Variants in CEP290 observed in about 807,000 individuals in gnomAD.
The protein encoded by CEP290 is centrosomal protein 290.
In CEP290, 317 loss-of-function variants were observed where a neutral mutation model predicts 344.9. That is an observed-to-expected ratio of 0.92 (90% CI 0.84 to 1.01). CEP290 has a LOEUF of 1.01. CEP290 is among the 50% of genes least tolerant of loss of function. The pLI, the probability that CEP290 is intolerant of heterozygous loss-of-function variation, is 0.00. For synonymous variants in CEP290, 932 were observed against 895.8 expected (o/e 1.04, Z -0.72); for missense variants, 2,754 against 2,761.4 (o/e 1.00, Z 0.06).
chr12:88,114,947 T>C (rs908893710), intron 19 of CEP290, 151 bp downstream of exon 19: 2 of 486,916 alleles, frequency 4.1e-6, no homozygotes, highest in Admixed American at 4.1e-5. Flanking sequence ...GCAAATCAAC[T>C]GGATAGTGAC....
At chr12:88,137,913 A>G (rs1386639141) in intron 5 of CEP290, among the ~76,000 whole-genome samples, 3 of 152,044 alleles carry the variant, frequency 2.0e-5, no homozygotes, top group Non-Finnish European at 4.4e-5. Flanking sequence ...ATCTTTACCT[A>G]CTCATGGTAG....
intron 50 of CEP290, 86 bp from the exon 51 acceptor site, chr12:88,054,499 A>G: frequency 9.6e-7 from 1 of 1,044,728 alleles, no homozygotes; most frequent in Non-Finnish European, 1.4e-6. Context: ...ACAAAGCGTA[A>G]TATTAAAATA....
rs1481875615 is a variant in CEP290, at chr12:88,068,606, ATCT to A, written c.6048_6050del (p.Glu2016del). ...GGAGGTATCTATTTTGTAAATGTAA[ATCT>A]TCTACAACAGAATCTCGAGGAAGAG... is the stretch of plus-strand genomic sequence containing the variant. On this transcript the variant is annotated inframe_deletion, in exon 44 of 54. Transcript: ENST00000552810. 11 of 1,594,558 alleles carry A rather than the reference ATCT, an allele frequency of 6.9e-6. No homozygotes were observed. The highest frequency in any genetic ancestry group is 5.3e-5 in the Admixed American group (3 of 56,146).
At chr12:88,100,115 A>G (rs1592563570) in intron 26 of CEP290, among the ~76,000 whole-genome samples, 1 of 152,020 alleles carries the variant, frequency 6.6e-6, no homozygotes, top group Admixed American at 6.6e-5. Flanking sequence ...CCCTGTCTCT[A>G]CTAAATTAGC....
Position 88,092,687 on chromosome 12 carries a change from A to C in CEP290, c.3455T>G (p.Val1152Gly). The part of the protein sequence containing the change: ...EKNEMELKVE[V>G]SKLREISDIA... Reference sequence around the variant, plus strand: ...AATGCTTATATGCACTTACTTTGACACTTCAACTTTTAGTTCCATTTCATT... The same window carrying C: ...AATGCTTATATGCACTTACTTTGACCCTTCAACTTTTAGTTCCATTTCATT... The change falls in exon 29 of 54, where the codon GTG becomes GGG. Residue 1152 changes from valine to glycine, a missense_variant. Coordinates refer to ENST00000552810, the MANE Select transcript of CEP290 (RefSeq NM_025114.4). 1 of 1,608,516 alleles carries C rather than the reference A, an allele frequency of 6.2e-7. No homozygotes were observed.
chr12:88,124,500 G>A (rs1447579555), intron 13 of CEP290, among the ~76,000 whole-genome samples: 1 of 151,508 alleles, frequency 6.6e-6, no homozygotes, highest in Non-Finnish European at 1.5e-5. Flanking sequence ...ATATGTGCAC[G>A]GAATCACTAT....
At position 88,068,544 on chromosome 12, in the gene CEP290, T is replaced by G; in HGVS notation, c.6113A>C (p.Lys2038Thr). 1 of 1,569,290 alleles carries G rather than the reference T, an allele frequency of 6.4e-7. No homozygotes were observed. Residue 2038 changes from lysine (K) to threonine (T), a missense_variant, in exon 44 of 54, where the codon AAG becomes ACG. Lys to Thr is a moderately conservative substitution (Grantham distance 78). Coordinates refer to ENST00000552810, the MANE Select transcript of CEP290 (RefSeq NM_025114.4). ...TACTGAAGGCTTAGAATATGTATCC[T>G]TTGAAAACTGTTTTTCTAAAGCATG... ...KLHALEKQFS[K>T]DTYSKPSISG... is the part of the protein sequence containing the mutation.
chr12:88,066,282 T>A (rs1330682627), intron 44 of CEP290, among the ~76,000 whole-genome samples: 2 of 152,106 alleles, frequency 1.3e-5, no homozygotes, highest in Non-Finnish European at 2.9e-5. Flanking sequence ...GTTAGACTGA[T>A]ATTCTGCAAA....
chr12:88,101,408 G>C (rs1471746130), intron 26 of CEP290, among the ~76,000 whole-genome samples: 3 of 150,704 alleles, frequency 2.0e-5, no homozygotes, highest in Non-Finnish European at 4.4e-5. Flanking sequence ...CTGAACCCGG[G>C]AGGTGGAGCT....
intron 53 of CEP290, 33 bp from the exon 54 acceptor site, chr12:88,049,447 T>A: frequency 9.4e-7 from 1 of 1,065,286 alleles, no homozygotes. Flanking sequence ...AAGTTGCATA[T>A]AGGAAATATA....
intron 27 of CEP290, 36 bp downstream of exon 27, chr12:88,096,852 T>C (rs2037468032): frequency 2.0e-6 from 2 of 982,882 alleles, no homozygotes; most frequent in South Asian, 1.6e-5. Context: ...TTATTAGATG[T>C]TAATCATTTT....
At chr12:88,119,036 G>T (rs143380438) in intron 15 of CEP290, among the ~76,000 whole-genome samples, 295 of 152,252 alleles carry the variant, frequency 1.9e-3, no homozygotes, top group Middle Eastern at 6.8e-3. Flanking sequence ...CGGGCCAGAA[G>T]TCATCTTTAG....
Position 88,086,422 on chromosome 12 carries a change from T to C in CEP290, c.4271A>G (p.Gln1424Arg), listed in dbSNP as rs1238040214. Reference protein sequence around the residue: ...LERQLDIFDRQQNEILNAAQK... With the variant: ...LERQLDIFDRRQNEILNAAQK... ...TGCCGCATTTAGTATTTCATTTTGCTGACGGTCAAAAATGTCTAGTTGGCG... is the reference window on the plus strand; with the variant it reads ...TGCCGCATTTAGTATTTCATTTTGCCGACGGTCAAAAATGTCTAGTTGGCG... Residue 1424 changes from glutamine (Q) to arginine (R), a missense_variant, in exon 33 of 54, where the codon CAG (glutamine) becomes CGG (arginine). Coordinates refer to ENST00000552810, the MANE Select transcript of CEP290 (RefSeq NM_025114.4). 1 of 1,597,288 alleles carries C rather than the reference T, an allele frequency of 6.3e-7. No homozygotes were observed. Among genetic ancestry groups the C allele is most frequent in the Non-Finnish European group, 8.5e-7 (1 of 1,170,278 alleles).
At chr12:88,124,546 T>TAC (rs531924313) in intron 13 of CEP290, among the ~76,000 whole-genome samples, 47 of 152,020 alleles carry the variant, frequency 3.1e-4, no homozygotes, top group African/African-American at 1.0e-3. Flanking sequence ...TATATATATA[T>TAC]ACACACACAC....
chr12:88,055,603 G>C lies in CEP290; in HGVS notation c.6933C>G (p.Asn2311Lys), dbSNP rs762012958. The C allele has an allele frequency of 9.5e-6, 15 of 1,579,420 alleles. No individual in the cohort carries two copies. Among genetic ancestry groups the C allele is most frequent in the South Asian group, 3.5e-5 (3 of 85,034 alleles). Residue 2311 changes from asparagine (N) to lysine (K), a missense_variant, in exon 50 of 54, where the codon AAC becomes AAG. Asn to Lys is a moderately conservative substitution (Grantham distance 94, BLOSUM62 0). Coordinates refer to ENST00000552810, the MANE Select transcript of CEP290 (RefSeq NM_025114.4). ...KEATEREQKV[N>K]KYNEDLEQQI... ...GTTGTTCAAGGTCTTCATTGTATTT[G>C]TTAACTTTTTGTTCTCTCTCTGTTG...
At chr12:88,053,853 C>A (rs1371692990) in intron 51 of CEP290, 107 bp from the exon 52 acceptor site, 4 of 557,324 alleles carry the variant, frequency 7.2e-6, no homozygotes, top group African/African-American at 3.9e-5. Flanking sequence ...AACAAGCTAG[C>A]CTTTATCGAA....
At chr12:88,129,968 T>G (rs2039966353) in intron 9 of CEP290, 92 bp from the exon 10 acceptor site, 1 of 834,104 alleles carries the variant, frequency 1.2e-6, no homozygotes, top group African/African-American at 1.8e-5. Context: ...ATAAGTGTCC[T>G]CTAGAAAAAA....
At chr12:88,108,753 G>A (rs1298444021) in intron 23 of CEP290, among the ~76,000 whole-genome samples, 1 of 152,070 alleles carries the variant, frequency 6.6e-6, no homozygotes, top group Non-Finnish European at 1.5e-5. Flanking sequence ...CCTATGAAAA[G>A]GGTATTACTT....
At chr12:88,089,776 G>A (rs2036882287) in intron 30 of CEP290, among the ~76,000 whole-genome samples, 1 of 149,932 alleles carries the variant, frequency 6.7e-6, no homozygotes, top group South Asian at 2.1e-4. Context: ...ACCCAAGCTG[G>A]AGTGCAATGG....
Sources: gnomAD v4.1 joint callset for allele counts (sites outside exome capture counted in the v4.1 genomes callset) on GRCh38, gnomAD v4.1.1 for gene constraint, MANE v1.5 for transcripts, NCBI Gene and HGNC (gene_info 2026-07-23, HGNC 2026-07-21) for gene names.